Variants in HS6ST3 observed in about 807,000 individuals in gnomAD.
The protein encoded by HS6ST3 is heparan-sulfate 6-O-sulfotransferase 3.
In HS6ST3, 12 loss-of-function variants were observed where a neutral mutation model predicts 36.7. That is an observed-to-expected ratio of 0.33 (90% CI 0.21 to 0.53). HS6ST3 has a LOEUF of 0.53. HS6ST3 is among the 20% of genes least tolerant of loss of function. HS6ST3 has a pLI of 0.95. For missense variants in HS6ST3, 584 were observed against 640.9 expected (o/e 0.91, Z 0.96); for synonymous variants, 240 against 257.5 (o/e 0.93, Z 0.65).
chr13:96,641,828 A>C (rs898795897), intron 1 of HS6ST3, among the ~76,000 whole-genome samples: 4 of 151,854 alleles, frequency 2.6e-5, no homozygotes, highest in African/African-American at 4.8e-5. Flanking sequence ...TTGTAAAAGA[A>C]ATTATATATT....
intron 1 of HS6ST3, among the ~76,000 whole-genome samples, chr13:96,448,823 G>A (rs527862818): frequency 2.0e-5 from 3 of 152,240 alleles, no homozygotes; most frequent in South Asian, 4.1e-4. Context: ...ATTAGACCAC[G>A]ACAGTATTTG....
intron 1 of HS6ST3, among the ~76,000 whole-genome samples, chr13:96,349,089 C>A (rs573786044): frequency 6.6e-6 from 1 of 152,048 alleles, no homozygotes; most frequent in Non-Finnish European, 1.5e-5. Context: ...ATTTGTAAAC[C>A]TCAATGAAAG....
intron 1 of HS6ST3, among the ~76,000 whole-genome samples, chr13:96,305,921 T>A (rs150723915): frequency 1.2e-4 from 18 of 151,130 alleles, no homozygotes; most frequent in African/African-American, 4.4e-4. Context: ...ATTTCCTTTC[T>A]TTCTTTCTTT....
chr13:96,382,792 G>T (rs925193117), intron 1 of HS6ST3, among the ~76,000 whole-genome samples: 1 of 152,080 alleles, frequency 6.6e-6, no homozygotes, highest in Non-Finnish European at 1.5e-5. Flanking sequence ...TAATATCAAA[G>T]TTATGAAGAA....
intron 1 of HS6ST3, among the ~76,000 whole-genome samples, chr13:96,345,370 T>G (rs1288089228): frequency 6.6e-6 from 1 of 152,180 alleles, no homozygotes; most frequent in East Asian, 1.9e-4. Context: ...GTGTTTGTCT[T>G]AGTGACTGGA....
chr13:96,830,255 C>T (rs754566466), intron 1 of HS6ST3, among the ~76,000 whole-genome samples: 4 of 152,064 alleles, frequency 2.6e-5, no homozygotes, highest in East Asian at 1.9e-4. Flanking sequence ...AGGGTGTTTT[C>T]GAATTACAGT....
At chr13:96,556,482 A>T (rs2056241271) in intron 1 of HS6ST3, among the ~76,000 whole-genome samples, 2 of 152,124 alleles carry the variant, frequency 1.3e-5, no homozygotes, top group Non-Finnish European at 1.5e-5. Flanking sequence ...ACACCCATTC[A>T]TAGAAACTCC....
At chr13:96,597,090 A>G (rs1391603699) in intron 1 of HS6ST3, among the ~76,000 whole-genome samples, 1 of 152,192 alleles carries the variant, frequency 6.6e-6, no homozygotes, top group Non-Finnish European at 1.5e-5. Context: ...ATGCAGGAAC[A>G]GAAAACCAAA....
intron 1 of HS6ST3, among the ~76,000 whole-genome samples, chr13:96,374,702 A>G (rs1169288067): frequency 1.3e-5 from 2 of 152,132 alleles, no homozygotes; most frequent in Non-Finnish European, 2.9e-5. Flanking sequence ...TGCAGGCATC[A>G]CAAAAAGGTC....
intron 1 of HS6ST3, among the ~76,000 whole-genome samples, chr13:96,497,120 T>C (rs975299205): frequency 2.6e-5 from 4 of 151,966 alleles, no homozygotes; most frequent in Admixed American, 2.0e-4. Context: ...CGGGGGAAGA[T>C]CTCTAGTCGA....
chr13:96,234,649 A>G (rs766833309), intron 1 of HS6ST3, among the ~76,000 whole-genome samples: 41 of 152,072 alleles, frequency 2.7e-4, no homozygotes, highest in Non-Finnish European at 1.2e-4. Context: ...GAGACTTACT[A>G]TCATGAGAAG....
chr13:96,190,874 C>G lies in HS6ST3; in HGVS notation c.707+99305C>G, dbSNP rs538116830. ...TACAGGGAGCATCTGGTGAAAATGC[C>G]AGAAGGTGGGGCATGCTTGAAGAGG... On this transcript the variant is annotated intron_variant, in intron 1 of 1. Coordinates refer to ENST00000376705, the MANE Select transcript of HS6ST3 (RefSeq NM_153456.4). Among the ~76,000 whole-genome samples the G allele has an allele frequency of 2.0e-5, 3 of 152,078 alleles. No individual in the cohort carries two copies. The South Asian group carries it at 6.2e-4, about 32-fold the overall frequency.
chr13:96,341,835 C>T (rs1217574644), intron 1 of HS6ST3, among the ~76,000 whole-genome samples: 2 of 152,108 alleles, frequency 1.3e-5, no homozygotes, highest in South Asian at 2.1e-4. Context: ...TCCCAAACTC[C>T]ATGGGATGCA....
chr13:96,545,557 T>C (rs2056194754), intron 1 of HS6ST3, among the ~76,000 whole-genome samples: 1 of 152,200 alleles, frequency 6.6e-6, no homozygotes, highest in Admixed American at 6.5e-5. Context: ...GTAGTAAGTA[T>C]AGTTTGTGCT....
chr13:96,351,310 A>T (rs1166293599), intron 1 of HS6ST3, among the ~76,000 whole-genome samples: 1 of 127,250 alleles, frequency 7.9e-6, no homozygotes, highest in Non-Finnish European at 1.6e-5. Flanking sequence ...AAACTGGGGA[A>T]GGTGGCAGTC....
At chr13:96,418,172 A>T (rs910304241) in intron 1 of HS6ST3, among the ~76,000 whole-genome samples, 16 of 152,166 alleles carry the variant, frequency 1.1e-4, no homozygotes, top group Non-Finnish European at 1.9e-4. Flanking sequence ...AATGCAAAAC[A>T]CATGGCACTA....
At chr13:96,549,335 G>A (rs900920453) in intron 1 of HS6ST3, among the ~76,000 whole-genome samples, 17 of 152,114 alleles carry the variant, frequency 1.1e-4, no homozygotes, top group African/African-American at 4.1e-4. Context: ...ATCTATTTGT[G>A]TTTTTCAAAT....
At chr13:96,554,382 A>C (rs1448489331) in intron 1 of HS6ST3, among the ~76,000 whole-genome samples, 1 of 152,248 alleles carries the variant, frequency 6.6e-6, no homozygotes, top group Non-Finnish European at 1.5e-5. Context: ...AATTAAGATG[A>C]ATAAGAGTAC....
rs547141218 is a variant in HS6ST3 at position 96,243,831 on chromosome 13, C to A, written c.707+152262C>A. Reference sequence around the variant, plus strand: ...TTGACTTATCTGACTTACTTATTTTCACTTAGTTTGAAAATAAATTGACTT... The same window carrying A: ...TTGACTTATCTGACTTACTTATTTTAACTTAGTTTGAAAATAAATTGACTT... On this transcript the variant is annotated intron_variant, in intron 1 of 1. Transcript: ENST00000376705. 7.1e-4 allele frequency among the ~76,000 whole-genome samples: 107 copies of A among 151,442 alleles called. 1 individual carries two copies. The highest frequency in any genetic ancestry group is 2.3e-3 in the African/African-American group (96 of 41,180).
Sources: gnomAD v4.1 joint callset for allele counts (sites outside exome capture counted in the v4.1 genomes callset) on GRCh38, gnomAD v4.1.1 for gene constraint, MANE v1.5 for transcripts, NCBI Gene and HGNC (gene_info 2026-07-23, HGNC 2026-07-21) for gene names.